SNTG1: variants seen among roughly 807,000 people sequenced by gnomAD.
SNTG1 encodes the protein syntrophin gamma 1.
Under a neutral mutation model 74.7 loss-of-function variants are expected in SNTG1, and 39 were observed. The observed-to-expected ratio is 0.52, with a 90% CI of 0.40 to 0.68. SNTG1 has a LOEUF of 0.68. Among genes scored for constraint, SNTG1 ranks in the 30% least tolerant of loss-of-function variants. SNTG1 has a pLI of 0.00. For missense variants in SNTG1, 685 were observed against 609.5 expected (o/e 1.12, Z -1.30); for synonymous variants, 254 against 217.1 (o/e 1.17, Z -1.49).
At chr8:50,218,400 C>A (rs1403269442) in intron 2 of SNTG1, among the ~76,000 whole-genome samples, 1 of 152,104 alleles carries the variant, frequency 6.6e-6, no homozygotes, top group Non-Finnish European at 1.5e-5. Flanking sequence ...CAGAGTTCAG[C>A]ATTTATACTC....
chr8:50,485,280 T>C (rs1300331710), intron 8 of SNTG1, among the ~76,000 whole-genome samples: 1 of 152,220 alleles, frequency 6.6e-6, no homozygotes, highest in East Asian at 1.9e-4. Context: ...TGTACCACAT[T>C]TCAGTGATGT....
intron 1 of SNTG1, among the ~76,000 whole-genome samples, chr8:50,136,202 A>C (rs925083397): frequency 4.3e-4 from 66 of 152,244 alleles, no homozygotes; most frequent in African/African-American, 1.5e-3. Flanking sequence ...TGTAAATAGT[A>C]CTGCGATGAA....
chr8:50,608,077 C>T (rs141281886), intron 13 of SNTG1, among the ~76,000 whole-genome samples: 2,028 of 151,696 alleles, frequency 0.013, 50 homozygotes, highest in African/African-American at 0.045. Flanking sequence ...GAACATATTT[C>T]ACGTGATTAC....
intron 9 of SNTG1, among the ~76,000 whole-genome samples, chr8:50,511,556 CTT>C (rs1368847495): frequency 6.6e-6 from 1 of 152,130 alleles, no homozygotes; most frequent in Non-Finnish European, 1.5e-5. Context: ...GTCTAAGTCT[CTT>C]TGTAGGTCTC....
intron 2 of SNTG1, among the ~76,000 whole-genome samples, chr8:50,375,647 A>AGATGAGTCAG (rs1480760951): frequency 2.0e-5 from 3 of 152,212 alleles, no homozygotes; most frequent in Non-Finnish European, 2.9e-5. Flanking sequence ...AGTCAGGATA[A>AGATGAGTCAG]GATAAGTCAC....
chr8:50,650,966 T>G (rs1168600113), intron 13 of SNTG1, among the ~76,000 whole-genome samples: 1 of 152,094 alleles, frequency 6.6e-6, no homozygotes, highest in Non-Finnish European at 1.5e-5. Context: ...TTTCCAAAGT[T>G]CTGGGATTAC....
intron 8 of SNTG1, among the ~76,000 whole-genome samples, chr8:50,465,636 A>T (rs1197980819): frequency 6.6e-6 from 1 of 152,218 alleles, no homozygotes; most frequent in Non-Finnish European, 1.5e-5. Flanking sequence ...TCAGGAAGCC[A>T]TGGATCATTT....
intron 1 of SNTG1, among the ~76,000 whole-genome samples, chr8:50,004,252 A>G (rs902875358): frequency 2.0e-5 from 3 of 152,128 alleles, no homozygotes; most frequent in Admixed American, 2.0e-4. Context: ...CGGCCCAGGG[A>G]TGTTTAACAT....
intron 15 of SNTG1, among the ~76,000 whole-genome samples, chr8:50,697,383 T>C (rs149481885): frequency 1.1e-3 from 162 of 152,302 alleles, no homozygotes; most frequent in African/African-American, 3.7e-3. Flanking sequence ...ACAAGGACAA[T>C]TGACTTTCTG....
chr8:50,438,039 T>C (rs2093322327), intron 4 of SNTG1, among the ~76,000 whole-genome samples: 1 of 152,180 alleles, frequency 6.6e-6, no homozygotes, highest in Admixed American at 6.6e-5. Flanking sequence ...ACTTGGTTTA[T>C]TCACTTTCAA....
chr8:50,562,541 A>G (rs188569814), intron 12 of SNTG1, among the ~76,000 whole-genome samples: 1 of 152,230 alleles, frequency 6.6e-6, no homozygotes, highest in African/African-American at 2.4e-5. Flanking sequence ...CAACACCTCA[A>G]TTTCTCCCCT....
intron 1 of SNTG1, among the ~76,000 whole-genome samples, chr8:50,043,008 A>T (rs1303461553): frequency 6.6e-6 from 1 of 152,062 alleles, no homozygotes; most frequent in Non-Finnish European, 1.5e-5. Context: ...ATGATTTTTT[A>T]AAATTATGTG....
chr8:50,041,881 A>T (rs893593631), intron 1 of SNTG1, among the ~76,000 whole-genome samples: 4 of 152,198 alleles, frequency 2.6e-5, no homozygotes, highest in Middle Eastern at 3.2e-3. Flanking sequence ...CTCCTAGCAG[A>T]GGTGGCTACA....
chr8:50,134,914 T>A (rs2081424074), intron 1 of SNTG1, among the ~76,000 whole-genome samples: 1 of 152,150 alleles, frequency 6.6e-6, no homozygotes, highest in African/African-American at 2.4e-5. Flanking sequence ...TCAGTCCTCT[T>A]TTATGTATTT....
chr8:50,619,924 AAGC>A (rs2094910756), intron 13 of SNTG1, among the ~76,000 whole-genome samples: 1 of 151,764 alleles, frequency 6.6e-6, no homozygotes, highest in Non-Finnish European at 1.5e-5. Flanking sequence ...AAAAAAAAAA[AAGC>A]AAGCATGATT....
At chr8:49,998,394 A>T (rs1814434487) in intron 1 of SNTG1, among the ~76,000 whole-genome samples, 1 of 152,164 alleles carries the variant, frequency 6.6e-6, no homozygotes, top group East Asian at 1.9e-4. Flanking sequence ...TCAATAATAA[A>T]CCTTAGCCTG....
At position 50,795,081 on chromosome 8, in the gene SNTG1, T is replaced by C. The variant is rs1250021683; in HGVS notation, c.*2252T>C. On this transcript the variant is annotated 3_prime_UTR_variant, in exon 19 of 19. Transcript: ENST00000642720. ...ACATGGGTGTATATATATATAAATA[T>C]AATGAAATGCTGACCATTAATTATA... 1 of 151,832 alleles carries C rather than the reference T, an allele frequency of 6.6e-6. No individual in the cohort carries two copies. The highest frequency in any genetic ancestry group is 2.4e-5 in the African/African-American group (1 of 41,380). The allele number at this position is 151,832 out of a possible 1,614,324, so 9.4% of individuals were successfully genotyped here. A position where few individuals can be genotyped will look rare whatever the true frequency, so the allele number is the denominator to read the frequency against.
chr8:50,216,263 G>C (rs1481220838), intron 2 of SNTG1, among the ~76,000 whole-genome samples: 3 of 152,132 alleles, frequency 2.0e-5, no homozygotes, highest in Non-Finnish European at 4.4e-5. Flanking sequence ...TCATGTTTTA[G>C]TTTTACCTTC....
At chr8:50,032,528 A>T (rs977460749) in intron 1 of SNTG1, among the ~76,000 whole-genome samples, 1 of 151,878 alleles carries the variant, frequency 6.6e-6, no homozygotes, top group East Asian at 1.9e-4. Context: ...TTCTCTAGGG[A>T]CCATTGTTGC....
Sources: allele counts gnomAD v4.1 joint callset (sites outside exome capture counted in the v4.1 genomes callset), GRCh38; gene constraint gnomAD v4.1.1; transcripts MANE v1.5; gene names NCBI Gene and HGNC (gene_info 2026-07-23, HGNC 2026-07-21).